GABPB1: variants seen among roughly 807,000 people sequenced by gnomAD.
GABPB1 encodes GA binding protein transcription factor subunit beta 1.
A neutral mutation model predicts 45.9 loss-of-function variants in GABPB1; 15 were observed. The observed-to-expected ratio is 0.33, with a 90% CI of 0.22 to 0.50. GABPB1 has a LOEUF of 0.50. Ranked by LOEUF, GABPB1 falls within the 20% of genes least tolerant of loss-of-function variation. The probability of loss-of-function intolerance (pLI) is 0.98; values close to 1 mark genes in which losing one functional copy is unlikely to be tolerated. For missense variants in GABPB1, 252 were observed against 457.5 expected, an observed-to-expected ratio of 0.55 and a Z score of 4.10; for synonymous variants, 143 against 154.4, an observed-to-expected ratio of 0.93 and a Z score of 0.55.
At chr15:50,304,902 T>C (rs2046888566) in intron 2 of GABPB1, among the ~76,000 whole-genome samples, 1 of 152,152 alleles carries the variant, frequency 6.6e-6, no homozygotes. Context: ...TCTTAAAAAA[T>C]TCACGTATTG....
At chr15:50,345,932 C>T (rs373748602) in intron 1 of GABPB1, among the ~76,000 whole-genome samples, 3 of 151,944 alleles carry the variant, frequency 2.0e-5, no homozygotes, top group Non-Finnish European at 4.4e-5. Flanking sequence ...AGGATCGTCT[C>T]GATCTCCTGA....
intron 1 of GABPB1, among the ~76,000 whole-genome samples, chr15:50,313,833 A>G (rs2047214539): frequency 6.6e-6 from 1 of 152,158 alleles, no homozygotes; most frequent in Admixed American, 6.5e-5. Flanking sequence ...TAATGTTACT[A>G]TATTACCTAA....
At chr15:50,353,423 G>A (rs2048936019) in intron 1 of GABPB1, 1 of 151,894 alleles carries the variant, frequency 6.6e-6, no homozygotes, top group Non-Finnish European at 1.5e-5. Flanking sequence ...GTGTACAGTG[G>A]AGTGTTCCAG....
In GABPB1 at chr15:50,354,528, C is replaced by T. The variant is rs772567322; in HGVS notation, c.-1+457G>A. On this transcript the variant is annotated intron_variant, in intron 1 of 8. Transcript: ENST00000380877. ...GTCAGGCTGCCGAGACAAAGGGTAC[C>T]GCGGCGCCAGAGGCCGAGGCCCAGC... The T allele has an allele frequency of 1.8e-5, 8 of 448,734 alleles. No homozygotes were observed. In the East Asian group the frequency reaches 2.3e-4, roughly 13 times the overall value. 27.8% of individuals were successfully genotyped at this position (448,734 alleles called of 1,614,324 possible).
chr15:50,354,581 C>A (rs2049013366), intron 1 of GABPB1: 1 of 448,702 alleles, frequency 2.2e-6, no homozygotes, highest in African/African-American at 2.1e-5. Flanking sequence ...TTCTCCCGCC[C>A]ACTGCCAACC....
chr15:50,344,255 G>C (rs1663952203), intron 1 of GABPB1, among the ~76,000 whole-genome samples: 1 of 152,218 alleles, frequency 6.6e-6, no homozygotes, highest in African/African-American at 2.4e-5. Flanking sequence ...AAGTCAGAAA[G>C]TAGAATTTGG....
chr15:50,296,905 CTTTT>C lies in GABPB1; in HGVS notation c.697+3880_697+3883del, dbSNP rs72486745. Among the ~76,000 whole-genome samples the C allele has an allele frequency of 8.8e-5, 8 of 91,374 alleles. No individual in the cohort carries two copies. In the Admixed American group the frequency reaches 9.7e-4, roughly 11 times the overall value. 59.9% of individuals were successfully genotyped at this position (91,374 alleles called of 152,430 possible). A position where few individuals can be genotyped will look rare whatever the true frequency, so the allele number is the denominator to read the frequency against. On this transcript the variant is annotated intron_variant, in intron 6 of 8. Coordinates refer to ENST00000380877, the MANE Select transcript of GABPB1 (RefSeq NM_016654.5). ...AACATACTTAAACTTTAACTTAATT[CTTTT>C]TTTTTTTTTTTTTTTTTTTGAGACA...
chr15:50,290,768 T>C (rs2046317828), intron 6 of GABPB1, among the ~76,000 whole-genome samples: 1 of 152,192 alleles, frequency 6.6e-6, no homozygotes, highest in East Asian at 1.9e-4. Context: ...TAGTAAATAG[T>C]GTATGTTAAC....
chr15:50,301,951 G>C (rs1385497700), intron 4 of GABPB1, among the ~76,000 whole-genome samples: 2 of 152,182 alleles, frequency 1.3e-5, no homozygotes, highest in Non-Finnish European at 2.9e-5. Flanking sequence ...GGAATGAAAA[G>C]AGGCATGGTA....
At chr15:50,344,063 A>G (rs577373748) in intron 1 of GABPB1, among the ~76,000 whole-genome samples, 2 of 152,298 alleles carry the variant, frequency 1.3e-5, no homozygotes, top group South Asian at 2.1e-4. Context: ...GTTCATTACT[A>G]TAACATCAGA....
intron 1 of GABPB1, among the ~76,000 whole-genome samples, chr15:50,324,308 C>A (rs2047673371): frequency 6.6e-6 from 1 of 152,252 alleles, no homozygotes; most frequent in East Asian, 1.9e-4. Flanking sequence ...CTGTTAACGA[C>A]CTGCATTCGT....
intron 8 of GABPB1, chr15:50,282,451 G>A (rs751233033): frequency 1.9e-4 from 65 of 334,890 alleles, no homozygotes; most frequent in Non-Finnish European, 3.6e-4. Context: ...CTGCTTGGGA[G>A]GCTGAGGTGG....
At chr15:50,301,114 G>T in intron 5 of GABPB1, 143 bp downstream of exon 5, 1 of 1,196,804 alleles carries the variant, frequency 8.4e-7, no homozygotes, top group Non-Finnish European at 1.2e-6. Context: ...AGAAAACAAA[G>T]GTGGCTGATA....
chr15:50,343,245 A>T (rs1396235498), intron 1 of GABPB1, among the ~76,000 whole-genome samples: 6 of 151,530 alleles, frequency 4.0e-5, no homozygotes, highest in Non-Finnish European at 7.4e-5. Flanking sequence ...ATCTCTTCTC[A>T]GCTCATCTAT....
intron 1 of GABPB1, among the ~76,000 whole-genome samples, chr15:50,342,094 C>G (rs1191360994): frequency 1.3e-5 from 2 of 152,142 alleles, no homozygotes; most frequent in East Asian, 3.8e-4. Flanking sequence ...AGACGTCTTC[C>G]CCTCCCGAAC....
chr15:50,325,724 G>A (rs1416250895), intron 1 of GABPB1, among the ~76,000 whole-genome samples: 1 of 150,898 alleles, frequency 6.6e-6, no homozygotes, highest in Non-Finnish European at 1.5e-5. Context: ...GTAGAGATGG[G>A]GTATCACCCT....
intron 1 of GABPB1, among the ~76,000 whole-genome samples, chr15:50,337,076 T>TGC (rs1491525800): frequency 6.1e-3 from 10 of 1,644 alleles, no homozygotes; most frequent in African/African-American, 0.048. Context: ...TATGTGTGTG[T>TGC]ATATATATAT....
chr15:50,341,799 AACTG>A (rs1267660699), intron 1 of GABPB1, among the ~76,000 whole-genome samples: 3 of 152,152 alleles, frequency 2.0e-5, no homozygotes, highest in Non-Finnish European at 4.4e-5. Context: ...CTAGAGGAAA[AACTG>A]ACTGTTTTGG....
chr15:50,330,053 C>T (rs889458067), intron 1 of GABPB1, among the ~76,000 whole-genome samples: 5 of 151,724 alleles, frequency 3.3e-5, no homozygotes, highest in African/African-American at 7.3e-5. Context: ...ACTACAGGCA[C>T]GCATCACCAC....
Sources: allele counts gnomAD v4.1 joint callset (sites outside exome capture counted in the v4.1 genomes callset), GRCh38; gene constraint gnomAD v4.1.1; transcripts MANE v1.5; gene names NCBI Gene and HGNC (gene_info 2026-07-23, HGNC 2026-07-21).